RIT2: variants seen among roughly 807,000 people sequenced by gnomAD.
RIT2 encodes GTP-binding protein Rit2.
RIT2 carries 24 observed loss-of-function variants against 23.7 expected under a neutral mutation model. That is an observed-to-expected ratio of 1.01 (90% confidence interval 0.73 to 1.43). The LOEUF is 1.43. RIT2 is among the 40% of genes most tolerant of loss of function. The pLI, the probability that RIT2 is intolerant of heterozygous loss-of-function variation, is 0.00. For missense variants in RIT2, 236 were observed against 266.9 expected, an observed-to-expected ratio of 0.88 and a Z score of 0.81; for synonymous variants, 107 against 91.1, an observed-to-expected ratio of 1.17 and a Z score of -0.99.
intron 1 of RIT2, among the ~76,000 whole-genome samples, chr18:43,101,512 A>G (rs988341559): frequency 6.6e-6 from 1 of 152,214 alleles, no homozygotes; most frequent in Non-Finnish European, 1.5e-5. Context: ...TTAAAATGAG[A>G]AGAAGCCCTG....
chr18:42,820,129 G>T (rs1906107273), intron 4 of RIT2, among the ~76,000 whole-genome samples: 2 of 151,962 alleles, frequency 1.3e-5, no homozygotes, highest in African/African-American at 4.8e-5. Context: ...CAAATATTTT[G>T]ATCCACTCTT....
intron 4 of RIT2, among the ~76,000 whole-genome samples, chr18:42,912,455 C>T (rs983784125): frequency 4.0e-5 from 6 of 151,792 alleles, no homozygotes; most frequent in African/African-American, 1.5e-4. Flanking sequence ...ATTAAAGATA[C>T]ACAGATGAGA....
chr18:42,764,283 T>G (rs2143904997), intron 4 of RIT2, among the ~76,000 whole-genome samples: 1 of 152,302 alleles, frequency 6.6e-6, no homozygotes, highest in African/African-American at 2.4e-5. Flanking sequence ...CTGAAGTTAC[T>G]TCTACTCTCA....
At chr18:43,081,748 C>T (rs1913162714) in intron 1 of RIT2, among the ~76,000 whole-genome samples, 1 of 152,114 alleles carries the variant, frequency 6.6e-6, no homozygotes, top group African/African-American at 2.4e-5. Context: ...TCATGAATAA[C>T]AGATTTATTT....
At chr18:43,061,500 C>A (rs1319669190) in intron 1 of RIT2, among the ~76,000 whole-genome samples, 3 of 152,078 alleles carry the variant, frequency 2.0e-5, no homozygotes, top group Admixed American at 2.0e-4. Flanking sequence ...CCCTGTGAAA[C>A]CTGACCTTCA....
intron 4 of RIT2, among the ~76,000 whole-genome samples, chr18:42,880,958 C>A (rs1907877056): frequency 6.6e-6 from 1 of 152,004 alleles, no homozygotes; most frequent in African/African-American, 2.4e-5. Context: ...CAGACATGCG[C>A]CACCATGCCA....
chr18:43,090,655 G>A (rs1373282934), intron 1 of RIT2, among the ~76,000 whole-genome samples: 1 of 151,990 alleles, frequency 6.6e-6, no homozygotes, highest in Non-Finnish European at 1.5e-5. Flanking sequence ...AGAGATTGTG[G>A]TACATATACA....
At chr18:42,994,573 C>G (rs1199342517) in intron 2 of RIT2, among the ~76,000 whole-genome samples, 1 of 152,124 alleles carries the variant, frequency 6.6e-6, no homozygotes, top group African/African-American at 2.4e-5. Context: ...AGACTGCCCC[C>G]ACCCTAGCTC....
At chr18:42,940,425 A>T (rs1310722879) in intron 3 of RIT2, among the ~76,000 whole-genome samples, 2 of 151,066 alleles carry the variant, frequency 1.3e-5, no homozygotes, top group African/African-American at 4.9e-5. Flanking sequence ...ATATAGACAC[A>T]CACACACATT....
rs755291383 is a variant in RIT2, at chr18:43,049,972, C to CTTTTTTTTTTTTTTT, written c.104-16120_104-16106dup. 3.8e-4 allele frequency among the ~76,000 whole-genome samples: 25 copies of CTTTTTTTTTTTTTTT among 66,010 alleles called. 1 individual carries two copies. The highest frequency in any genetic ancestry group is 7.2e-4 in the African/African-American group (11 of 15,300). 43.3% of individuals were successfully genotyped at this position (66,010 alleles called of 152,430 possible). A position where few individuals can be genotyped will look rare whatever the true frequency, so the allele number is the denominator to read the frequency against. On this transcript the variant is annotated intron_variant, in intron 1 of 4. Coordinates refer to ENST00000326695, the MANE Select transcript of RIT2 (RefSeq NM_002930.4). ...CAATGGGTAATTGAGAAGGGATTTC[C>CTTTTTTTTTTTTTTT]TTTTTTTTTTTTTTTTTTTTTTTTT...
At chr18:42,888,585 C>T (rs1202984850) in intron 4 of RIT2, among the ~76,000 whole-genome samples, 1 of 151,578 alleles carries the variant, frequency 6.6e-6, no homozygotes, top group Non-Finnish European at 1.5e-5. Flanking sequence ...AAATAAATCA[C>T]TCTACCAGAA....
intron 2 of RIT2, among the ~76,000 whole-genome samples, chr18:42,982,967 C>T (rs1221267802): frequency 6.6e-6 from 1 of 151,654 alleles, no homozygotes; most frequent in African/African-American, 2.4e-5. Context: ...GTATCTATAG[C>T]ATAACTATTT....
At chr18:42,825,175 T>C (rs1191440964) in intron 4 of RIT2, among the ~76,000 whole-genome samples, 4 of 151,942 alleles carry the variant, frequency 2.6e-5, no homozygotes, top group Non-Finnish European at 5.9e-5. Context: ...TCCATTAATA[T>C]ATATAATCTC....
chr18:42,760,641 A>G (rs1913278655), intron 4 of RIT2, among the ~76,000 whole-genome samples: 1 of 152,216 alleles, frequency 6.6e-6, no homozygotes, highest in African/African-American at 2.4e-5. Context: ...CAGTTCTGCC[A>G]CTTACTAGTT....
At chr18:42,927,531 A>C (rs1302184441) in intron 3 of RIT2, among the ~76,000 whole-genome samples, 1 of 151,974 alleles carries the variant, frequency 6.6e-6, no homozygotes, top group East Asian at 1.9e-4. Flanking sequence ...TGCTGTGTTC[A>C]ACATGTTGCT....
At chr18:42,746,694 C>T (rs893767825) in intron 4 of RIT2, among the ~76,000 whole-genome samples, 3 of 151,950 alleles carry the variant, frequency 2.0e-5, no homozygotes, top group African/African-American at 7.2e-5. Context: ...CACTAGTACA[C>T]AAGAGACAGA....
chr18:43,001,581 G>A (rs1343764297), intron 2 of RIT2, among the ~76,000 whole-genome samples: 1 of 151,858 alleles, frequency 6.6e-6, no homozygotes, highest in East Asian at 1.9e-4. Flanking sequence ...TCAGTATGGA[G>A]GAATTATGGA....
At chr18:43,052,733 ATCCTCC>A (rs1912412306) in intron 1 of RIT2, among the ~76,000 whole-genome samples, 1 of 151,990 alleles carries the variant, frequency 6.6e-6, no homozygotes, top group Admixed American at 6.6e-5. Context: ...AATTTACCTG[ATCCTCC>A]CAGTCTTTAA....
At chr18:42,848,756 TA>T (rs1906973766) in intron 4 of RIT2, among the ~76,000 whole-genome samples, 1 of 152,138 alleles carries the variant, frequency 6.6e-6, no homozygotes, top group Admixed American at 6.6e-5. Flanking sequence ...AGTTTTTTTT[TA>T]GTGAAAATAT....
Sources: gnomAD v4.1 joint callset for allele counts (sites outside exome capture counted in the v4.1 genomes callset) on GRCh38, gnomAD v4.1.1 for gene constraint, MANE v1.5 for transcripts, NCBI Gene and HGNC (gene_info 2026-07-23, HGNC 2026-07-21) for gene names.